The following SH3GL1 variants were observed in gnomAD, a reference collection of about 807,000 sequenced individuals.
SH3GL1 encodes SH3 domain containing GRB2 like 1, endophilin A2, also known as endophilin-A2.
In SH3GL1, 21 loss-of-function variants were observed where a neutral mutation model predicts 48.8. That is an observed-to-expected ratio of 0.43 (90% CI 0.30 to 0.62). The LOEUF (loss-of-function observed/expected upper bound fraction) is 0.62. SH3GL1 is among the 20% of genes least tolerant of loss of function. The pLI, the probability that SH3GL1 is intolerant of heterozygous loss-of-function variation, is 0.11. For synonymous variants in SH3GL1, 282 were observed against 217.5 expected, an observed-to-expected ratio of 1.30 and a Z score of -2.61; for missense variants, 454 against 503.0, an observed-to-expected ratio of 0.90 and a Z score of 0.93.
intron 1 of SH3GL1, among the ~76,000 whole-genome samples, chr19:4,373,001 G>A (rs544345370): frequency 6.6e-6 from 1 of 152,360 alleles, no homozygotes; most frequent in Non-Finnish European, 1.5e-5. Context: ...GCCTGGCATG[G>A]GTGGGGTTGT....
intron 1 of SH3GL1, among the ~76,000 whole-genome samples, chr19:4,399,960 C>G (rs377510581): frequency 6.6e-6 from 1 of 152,210 alleles, no homozygotes; most frequent in South Asian, 2.1e-4. Flanking sequence ...TTTTCCCTGG[C>G]TCTGGGTTAT....
At chr19:4,394,942 G>A (rs760873158) in intron 1 of SH3GL1, among the ~76,000 whole-genome samples, 4 of 152,214 alleles carry the variant, frequency 2.6e-5, no homozygotes, top group South Asian at 4.1e-4. Context: ...CCAAAGTTGC[G>A]ATAACAACTG....
chr19:4,373,845 G>A (rs1181525685), intron 1 of SH3GL1, among the ~76,000 whole-genome samples: 2 of 152,228 alleles, frequency 1.3e-5, no homozygotes, highest in Admixed American at 1.3e-4. Context: ...GTGTGGCTGG[G>A]TGCCATGGTA....
intron 1 of SH3GL1, among the ~76,000 whole-genome samples, chr19:4,371,672 C>T (rs1972904439): frequency 6.6e-6 from 1 of 152,232 alleles, no homozygotes; most frequent in South Asian, 2.1e-4. Context: ...CCAGGGTCCT[C>T]AGGTCTCACT....
At chr19:4,399,097 A>G (rs933872344) in intron 1 of SH3GL1, among the ~76,000 whole-genome samples, 1 of 152,138 alleles carries the variant, frequency 6.6e-6, no homozygotes, top group East Asian at 1.9e-4. Flanking sequence ...AAGCAGGCGG[A>G]TTACTTGAGG....
At chr19:4,372,501 T>TC (rs1407475860) in intron 1 of SH3GL1, among the ~76,000 whole-genome samples, 1 of 151,958 alleles carries the variant, frequency 6.6e-6, no homozygotes, top group Non-Finnish European at 1.5e-5. Context: ...GAATACAGGG[T>TC]CGGGGTGGAG....
At chr19:4,374,541 G>A (rs1053191471) in intron 1 of SH3GL1, among the ~76,000 whole-genome samples, 6 of 152,222 alleles carry the variant, frequency 3.9e-5, no homozygotes, top group Non-Finnish European at 8.8e-5. Context: ...CCTGCATCCC[G>A]GAAGGCCTCC....
chr19:4,386,501 CTTTTTT>C (rs960946256), intron 1 of SH3GL1, among the ~76,000 whole-genome samples: 5 of 130,818 alleles, frequency 3.8e-5, no homozygotes, highest in Admixed American at 1.5e-4. Flanking sequence ...TTCTTTTTCA[CTTTTTT>C]TTTTTTTTTT....
At chr19:4,373,687 C>T (rs1220517052) in intron 1 of SH3GL1, among the ~76,000 whole-genome samples, 1 of 152,174 alleles carries the variant, frequency 6.6e-6, no homozygotes, top group African/African-American at 2.4e-5. Flanking sequence ...GTCCCTTGGG[C>T]CTGGGCTGGC....
intron 1 of SH3GL1, among the ~76,000 whole-genome samples, chr19:4,399,380 T>C (rs1438210173): frequency 3.9e-5 from 5 of 129,314 alleles, no homozygotes; most frequent in Non-Finnish European, 8.1e-5. Flanking sequence ...GCAGTAGTCC[T>C]GGGGGACAGG....
rs113506136 is a variant in SH3GL1 at position 4,361,248 on chromosome 19, G to T, written c.*352C>A. 6.7e-5 allele frequency: 24 copies of T among 359,898 alleles called. No homozygotes were observed. Among genetic ancestry groups the T allele is most frequent in the African/African-American group, 3.7e-4 (18 of 48,304 alleles). The allele number at this position is 359,898 out of a possible 1,614,324, so 22.3% of individuals were successfully genotyped here. On this transcript the variant is annotated 3_prime_UTR_variant, in exon 10 of 10. Transcript: ENST00000269886. ...CCCCGTCGGGTCAGGACGGAGGTGG[G>T]GGCTGCCCCAGAGGAACATTAGTGT...
At chr19:4,388,687 AC>A (rs1314443511) in intron 1 of SH3GL1, among the ~76,000 whole-genome samples, 3 of 152,212 alleles carry the variant, frequency 2.0e-5, no homozygotes, top group African/African-American at 4.8e-5. Context: ...CCAGGGAACC[AC>A]CAACTCTGAG....
At chr19:4,382,121 C>G (rs558016403) in intron 1 of SH3GL1, among the ~76,000 whole-genome samples, 1 of 152,254 alleles carries the variant, frequency 6.6e-6, no homozygotes, top group African/African-American at 2.4e-5. Flanking sequence ...CCACCCACAT[C>G]CATTGGCTCA....
rs1471640114 is a variant in SH3GL1, at chr19:4,389,010, C to T, written c.45+11314G>A. On this transcript the variant is annotated intron_variant, in intron 1 of 9. Coordinates refer to ENST00000269886, the MANE Select transcript of SH3GL1 (RefSeq NM_003025.4). This position sits in a 1 kb window ranked among gnomAD's most constrained non-coding sequence, Gnocchi z 4.5. ...GCCACCTGCCTCCCTGGTGCTGTGA[C>T]ACGGCCTGGTCAGATGCCTGGCCAG... Among the ~76,000 whole-genome samples the T allele has an allele frequency of 6.6e-6, 1 of 152,220 alleles. No individual in the cohort carries two copies. The highest frequency in any genetic ancestry group is 1.5e-5 in the Non-Finnish European group (1 of 68,040).
intron 1 of SH3GL1, among the ~76,000 whole-genome samples, chr19:4,381,666 CCTCT>C (rs1159534647): frequency 1.6e-5 from 2 of 124,712 alleles, no homozygotes; most frequent in Admixed American, 8.2e-5. Flanking sequence ...ATTTCCCCCG[CCTCT>C]CTGTCACCCC....
chr19:4,364,486 A>G (rs1008686649), intron 4 of SH3GL1: 4 of 477,044 alleles, frequency 8.4e-6, no homozygotes, highest in Non-Finnish European at 1.5e-5. Flanking sequence ...GCTGCAGTGC[A>G]GTGGCATGAT....
chr19:4,378,922 TACCTGAGTCAC>T (rs1973065788), intron 1 of SH3GL1, among the ~76,000 whole-genome samples: 1 of 152,106 alleles, frequency 6.6e-6, no homozygotes, highest in Non-Finnish European at 1.5e-5. Context: ...GAACACACCT[TACCTGAGTCAC>T]ACCCATCTCC....
intron 8 of SH3GL1, 81 bp from the exon 9 acceptor site, chr19:4,362,466 T>C: frequency 1.3e-6 from 2 of 1,571,690 alleles, no homozygotes; most frequent in Non-Finnish European, 1.7e-6. Flanking sequence ...GGGCCAGCCC[T>C]TCCCGTCTGC....
intron 3 of SH3GL1, among the ~76,000 whole-genome samples, chr19:4,365,869 T>C (rs1972765695): frequency 6.6e-6 from 1 of 152,212 alleles, no homozygotes; most frequent in Non-Finnish European, 1.5e-5. Context: ...TTCCAAGGGC[T>C]GCTCCTCTTG....
Sources: allele counts gnomAD v4.1 joint callset (sites outside exome capture counted in the v4.1 genomes callset), GRCh38; gene constraint gnomAD v4.1.1; non-coding constraint Gnocchi (gnomAD v3.1); transcripts MANE v1.5; gene names NCBI Gene and HGNC (gene_info 2026-07-23, HGNC 2026-07-21).